The following NPHP4 variants were observed in gnomAD, a reference collection of about 807,000 sequenced individuals.
NPHP4 encodes the protein nephrocystin 4.
Under a neutral mutation model 155.8 loss-of-function variants are expected in NPHP4, and 151 were observed. The ratio of observed to expected loss-of-function variants is 0.97; its 90% CI spans 0.85 to 1.11. The LOEUF is 1.11. Ranked by LOEUF, NPHP4 falls within the 50% of genes least tolerant of loss-of-function variation. The pLI, the probability that NPHP4 is intolerant of heterozygous loss-of-function variation, is 0.00. For synonymous variants in NPHP4, 845 were observed against 816.8 expected, an observed-to-expected ratio of 1.03 and a Z score of -0.59; for missense variants, 1,956 against 1,925.7, an observed-to-expected ratio of 1.02 and a Z score of -0.29.
At chr1:5,946,984 CTTA>C (rs1160743029) in intron 9 of NPHP4, 117 bp downstream of exon 9, 1 of 1,069,534 alleles carries the variant, frequency 9.3e-7, no homozygotes, top group African/African-American at 1.6e-5. Flanking sequence ...GTGATTTTTA[CTTA>C]TTATTTATAA....
At chr1:5,988,026 T>G (rs1331671221) in intron 1 of NPHP4, among the ~76,000 whole-genome samples, 1 of 152,218 alleles carries the variant, frequency 6.6e-6, no homozygotes, top group Non-Finnish European at 1.5e-5. Flanking sequence ...GGTTACACCA[T>G]TAAATGTGTC....
At chr1:5,943,602 C>A (rs1485616671) in intron 9 of NPHP4, among the ~76,000 whole-genome samples, 1 of 152,192 alleles carries the variant, frequency 6.6e-6, no homozygotes. Flanking sequence ...CAGTCAAAGG[C>A]AACATGAGGA....
intron 23 of NPHP4, among the ~76,000 whole-genome samples, chr1:5,868,985 CCACACATGCACA>C (rs998831531): frequency 8.0e-6 from 1 of 125,394 alleles, no homozygotes. Context: ...ACACATCCAC[CCACACATGCACA>C]CACACGCACC....
Position 5,952,730 on chromosome 1 carries a change from C to T in NPHP4, c.780G>A (p.Leu260=), listed in dbSNP as rs1648396429. ...GGAAGTGGTCCTGGACGTGGAGCTC[C>T]AGCAGCTCTTCCTCAAACTTCTCCA... ...PSLEKFEEEL[L]ELHVQDHFQE... The change falls in exon 7 of 30, where the codon CTG becomes CTA. Residue 260 remains leucine, a synonymous_variant. Transcript: ENST00000378156. 3 of 1,560,208 alleles carry T rather than the reference C, an allele frequency of 1.9e-6. No individual in the cohort carries two copies. Among genetic ancestry groups the T allele is most frequent in the Non-Finnish European group, 2.6e-6 (3 of 1,152,010 alleles).
intron 3 of NPHP4, 99 bp downstream of exon 3, chr1:5,978,171 G>A: frequency 2.7e-6 from 3 of 1,127,058 alleles, no homozygotes; most frequent in Non-Finnish European, 3.8e-6. Flanking sequence ...CGCGCTGTGA[G>A]GTCTCGGCAA....
intron 26 of NPHP4, 80 bp downstream of exon 26, chr1:5,866,293 T>A (rs1570051138): frequency 2.1e-6 from 2 of 945,328 alleles, no homozygotes; most frequent in East Asian, 2.6e-5. Context: ...CAAGCCCACT[T>A]TCAATCCACC....
intron 11 of NPHP4, among the ~76,000 whole-genome samples, chr1:5,911,771 G>A (rs934942905): frequency 2.6e-5 from 4 of 152,184 alleles, no homozygotes; most frequent in Admixed American, 6.5e-5. Context: ...CCAAGGCCAC[G>A]AAATAACTCA....
At chr1:5,968,954 G>A (rs1488745451) in intron 4 of NPHP4, 133 bp downstream of exon 4, 4 of 555,756 alleles carry the variant, frequency 7.2e-6, no homozygotes, top group African/African-American at 3.8e-5. Context: ...TCGAACCCAG[G>A]AAGCGGAGGT....
chr1:5,939,243 T>C (rs1242897830), intron 9 of NPHP4, among the ~76,000 whole-genome samples: 2 of 152,192 alleles, frequency 1.3e-5, no homozygotes, highest in African/African-American at 2.4e-5. Context: ...TGTGGTATGG[T>C]TTTAAAGAAA....
At chr1:5,887,663 C>T (rs1321223606) in intron 17 of NPHP4, among the ~76,000 whole-genome samples, 197 bp from the exon 18 acceptor site, 1 of 152,164 alleles carries the variant, frequency 6.6e-6, no homozygotes, top group Non-Finnish European at 1.5e-5. Context: ...AAGCAGGACT[C>T]CTTATTACTG....
At chr1:5,898,456 G>A (rs576378010) in intron 16 of NPHP4, among the ~76,000 whole-genome samples, 11 of 152,334 alleles carry the variant, frequency 7.2e-5, no homozygotes, top group South Asian at 4.1e-4. Context: ...CCAGGCTCAC[G>A]GGCGTGGCTG....
intron 1 of NPHP4, among the ~76,000 whole-genome samples, chr1:5,987,941 C>T (rs1173888937): frequency 2.0e-5 from 3 of 152,208 alleles, no homozygotes; most frequent in African/African-American, 7.2e-5. Flanking sequence ...GTATCCTCTA[C>T]CATGAGCCTA....
At chr1:5,982,961 AT>A (rs1460852409) in intron 2 of NPHP4, among the ~76,000 whole-genome samples, 3 of 152,214 alleles carry the variant, frequency 2.0e-5, no homozygotes, top group Non-Finnish European at 4.4e-5. Flanking sequence ...TGACTGTTCC[AT>A]ATGAACTTGG....
At position 5,892,675 on chromosome 1, in the gene NPHP4, T is replaced by TC. The variant is rs1428138277; in HGVS notation, c.2144-1648dup. Among the ~76,000 whole-genome samples the TC allele has an allele frequency of 2.0e-5, 3 of 151,944 alleles. No homozygotes were observed. Among genetic ancestry groups the TC allele is most frequent in the African/African-American group, 4.8e-5 (2 of 41,332 alleles). On this transcript the variant is annotated intron_variant, in intron 16 of 29. Transcript: ENST00000378156. This position sits in a 1 kb window ranked among gnomAD's most constrained non-coding sequence, Gnocchi z 4.5. Reference sequence around the variant, plus strand: ...AGCTGTGTTTGGGACGCGCGTACTCTCCCCACTGCAGCCTCAGACCTCTCC... The same window carrying TC: ...AGCTGTGTTTGGGACGCGCGTACTCTCCCCCACTGCAGCCTCAGACCTCTCC...
intron 16 of NPHP4, among the ~76,000 whole-genome samples, chr1:5,896,731 G>A (rs974964645): frequency 6.6e-6 from 1 of 152,208 alleles, no homozygotes. Context: ...CCCATATCCT[G>A]ATCTCTGAAA....
At chr1:5,918,733 G>A (rs1345751859) in intron 11 of NPHP4, among the ~76,000 whole-genome samples, 1 of 152,190 alleles carries the variant, frequency 6.6e-6, no homozygotes, top group East Asian at 1.9e-4. Context: ...CAGCATCCTT[G>A]TAAACTAGAG....
Position 5,919,896 on chromosome 1 carries a change from C to T in NPHP4, c.1441+7753G>A, listed in dbSNP as rs569912237. On this transcript the variant is annotated intron_variant, in intron 11 of 29. Transcript: ENST00000378156. ...CTGAGACTACAGGCACATGCTACCA[C>T]ACCCAGCTACTGCATGCATTTATTT... Among the ~76,000 whole-genome samples, 9 of 152,234 alleles carry T rather than the reference C, an allele frequency of 5.9e-5. No individual in the cohort carries two copies. In the East Asian group the frequency reaches 1.7e-3, roughly 29 times the overall value.
At position 5,909,135 on chromosome 1, in the gene NPHP4, G is replaced by T. The variant is rs773414516; in HGVS notation, c.1503+17C>A. The stretch of plus-strand genomic sequence containing the variant: ...ACTCTGGAATTCTGAAGGAGGCCGT[G>T]GGGGGCCTGGACTTACCCCTGGTCC... On this transcript the variant is annotated intron_variant, in intron 12 of 29. Coordinates refer to ENST00000378156, the MANE Select transcript of NPHP4 (RefSeq NM_015102.5). The T allele has an allele frequency of 2.5e-6, 4 of 1,580,760 alleles. No homozygotes were observed. The highest frequency in any genetic ancestry group is 3.4e-6 in the Non-Finnish European group (4 of 1,160,200).
At chr1:5,935,195 T>C (rs1201219929) in intron 9 of NPHP4, among the ~76,000 whole-genome samples, 5 of 152,240 alleles carry the variant, frequency 3.3e-5, no homozygotes, top group Non-Finnish European at 5.9e-5. Flanking sequence ...AATAAAAATT[T>C]AGAATCGGCA....
Sources: allele counts gnomAD v4.1 joint callset (sites outside exome capture counted in the v4.1 genomes callset), GRCh38; gene constraint gnomAD v4.1.1; non-coding constraint Gnocchi (gnomAD v3.1); transcripts MANE v1.5; gene names NCBI Gene and HGNC (gene_info 2026-07-23, HGNC 2026-07-21).